Variants in TOX2 observed in about 807,000 individuals in gnomAD.
TOX2 encodes the protein TOX high mobility group box family member 2.
A neutral mutation model predicts 47.4 loss-of-function variants in TOX2; 15 were observed. The ratio of observed to expected loss-of-function variants is 0.32; its 90% confidence interval spans 0.21 to 0.49. The LOEUF (loss-of-function observed/expected upper bound fraction) is 0.49, where lower values mean the gene tolerates loss of function less well. Ranked by LOEUF, TOX2 falls within the 20% of genes least tolerant of loss-of-function variation. TOX2 has a pLI of 0.99. For synonymous variants in TOX2, 290 were observed against 296.6 expected (o/e 0.98, Z 0.23); for missense variants, 622 against 673.1 (o/e 0.92, Z 0.84).
At chr20:44,009,282 G>A (rs1472205178) in intron 3 of TOX2, among the ~76,000 whole-genome samples, 1 of 152,126 alleles carries the variant, frequency 6.6e-6, no homozygotes, top group Non-Finnish European at 1.5e-5. Context: ...ATTTTTATAA[G>A]GCACGTCACA....
At chr20:43,930,721 T>C (rs902792115) in intron 1 of TOX2, among the ~76,000 whole-genome samples, 1 of 152,196 alleles carries the variant, frequency 6.6e-6, no homozygotes, top group African/African-American at 2.4e-5. Flanking sequence ...GTGGCTTCTC[T>C]CCTGAAGTTA....
At chr20:44,020,193 G>A (rs1229171384) in intron 3 of TOX2, among the ~76,000 whole-genome samples, 2 of 152,218 alleles carry the variant, frequency 1.3e-5, no homozygotes, top group African/African-American at 2.4e-5. Flanking sequence ...GCACTGCAGC[G>A]TGGATTAGGC....
chr20:44,050,387 C>T (rs1382808872), intron 3 of TOX2, among the ~76,000 whole-genome samples: 2 of 151,992 alleles, frequency 1.3e-5, no homozygotes, highest in African/African-American at 4.8e-5. Context: ...GTTTGCTTTC[C>T]TAATGAAGAA....
At chr20:43,951,900 T>C (rs1256335537) in intron 1 of TOX2, among the ~76,000 whole-genome samples, 10 of 150,792 alleles carry the variant, frequency 6.6e-5, no homozygotes, top group African/African-American at 2.2e-4. Context: ...TGTTTGTTTG[T>C]TTGTTTGTTT....
chr20:44,006,837 G>A (rs757166206), intron 3 of TOX2, 45 bp downstream of exon 3: 9 of 1,587,674 alleles, frequency 5.7e-6, no homozygotes, highest in Non-Finnish European at 7.7e-6. Context: ...TGACAGCAGG[G>A]AGGGGGTTGA....
intron 2 of TOX2, among the ~76,000 whole-genome samples, chr20:44,005,738 C>A (rs2070668031): frequency 6.6e-6 from 1 of 152,182 alleles, no homozygotes; most frequent in African/African-American, 2.4e-5. Flanking sequence ...AAAAGCCATG[C>A]ATGATTTTAA....
At chr20:44,026,875 A>G (rs562084361) in intron 3 of TOX2, among the ~76,000 whole-genome samples, 121 of 150,640 alleles carry the variant, frequency 8.0e-4, no homozygotes, top group African/African-American at 2.8e-3. Context: ...AGCACCCACA[A>G]CTCTCCTGGG....
At chr20:43,991,007 C>T (rs914347372) in intron 2 of TOX2, among the ~76,000 whole-genome samples, 5 of 152,184 alleles carry the variant, frequency 3.3e-5, no homozygotes, top group African/African-American at 1.2e-4. Context: ...TTAAAATCAG[C>T]ACTGCCTTGT....
chr20:44,037,208 C>T (rs758689594), intron 3 of TOX2, among the ~76,000 whole-genome samples: 63 of 152,244 alleles, frequency 4.1e-4, no homozygotes, highest in Non-Finnish European at 8.2e-4. Context: ...CCCACCTTGG[C>T]CTCCCAAAGT....
chr20:43,932,913 C>T (rs1357533265), intron 1 of TOX2, among the ~76,000 whole-genome samples: 1 of 152,154 alleles, frequency 6.6e-6, no homozygotes, highest in Non-Finnish European at 1.5e-5. Context: ...AACACCTTCC[C>T]CGGGGTTGCT....
intron 1 of TOX2, among the ~76,000 whole-genome samples, chr20:43,972,964 C>T (rs1248300136): frequency 6.6e-6 from 1 of 152,190 alleles, no homozygotes; most frequent in Non-Finnish European, 1.5e-5. Flanking sequence ...TGTTCTTGGC[C>T]TCCCCCAGCA....
intron 3 of TOX2, among the ~76,000 whole-genome samples, chr20:44,023,530 T>A (rs865838120): frequency 2.0e-5 from 3 of 151,742 alleles, no homozygotes; most frequent in Middle Eastern, 3.2e-3. Context: ...TGCATCAGTT[T>A]TAAGAAAGAT....
chr20:43,939,100 C>A (rs1018283996), intron 1 of TOX2, among the ~76,000 whole-genome samples: 2 of 152,152 alleles, frequency 1.3e-5, no homozygotes, highest in African/African-American at 4.8e-5. Flanking sequence ...TCTCTTGGAG[C>A]CCCAGTGTCC....
At position 43,914,868 on chromosome 20, in the gene TOX2, G is replaced by T. The variant is rs2069037967; in HGVS notation, c.-24G>T. 2.1e-6 allele frequency: 2 copies of T among 971,458 alleles called. No individual in the cohort carries two copies. The highest frequency in any genetic ancestry group is 1.8e-5 in the African/African-American group (1 of 56,104). The allele number at this position is 971,458 out of a possible 1,614,324, so 60.2% of individuals were successfully genotyped here. A position where few individuals can be genotyped will look rare whatever the true frequency, so the allele number is the denominator to read the frequency against. On this transcript the variant is annotated 5_prime_UTR_variant, in exon 1 of 9. Coordinates refer to ENST00000341197, the MANE Select transcript of TOX2 (RefSeq NM_001098797.2). The surrounding 1 kb of genome is among the most constrained non-coding windows in gnomAD (Gnocchi z 4.5). ...CGCCCAGGCACTGCCCGCGGGAGCCGCCGCCGCCGCCGCCGCGCCCGCCAT... is the reference window on the plus strand; with the variant it reads ...CGCCCAGGCACTGCCCGCGGGAGCCTCCGCCGCCGCCGCCGCGCCCGCCAT...
At chr20:43,992,897 A>G (rs2070395384) in intron 2 of TOX2, among the ~76,000 whole-genome samples, 1 of 151,026 alleles carries the variant, frequency 6.6e-6, no homozygotes, top group African/African-American at 2.4e-5. Flanking sequence ...GATTTGGTCC[A>G]CGGCCTGTGA....
At chr20:43,965,066 T>G (rs2069826733) in intron 1 of TOX2, among the ~76,000 whole-genome samples, 1 of 152,220 alleles carries the variant, frequency 6.6e-6, no homozygotes, top group African/African-American at 2.4e-5. Flanking sequence ...TTCATTGGTA[T>G]ACTTCGCAAG....
At position 44,066,071 on chromosome 20, in the gene TOX2, G is replaced by A. The variant is rs1404083551; in HGVS notation, c.1320G>A (p.Val440=). The change falls in exon 7 of 9, where the codon GTG becomes GTA. Residue 440 remains valine, a synonymous_variant. Coordinates refer to ENST00000341197, the MANE Select transcript of TOX2 (RefSeq NM_001098797.2). ...PVLPTPMALQ[V]QLAMSPSPPG... ...TGCCCACCCCCATGGCACTCCAGGT[G>A]CAGCTGGCGATGAGCCCCTCACCTC... 8.9e-6 allele frequency: 14 copies of A among 1,570,530 alleles called. No individual in the cohort carries two copies. Among genetic ancestry groups the A allele is most frequent in the Non-Finnish European group, 1.2e-5 (14 of 1,158,644 alleles).
chr20:43,953,944 A>G (rs1048015483), intron 1 of TOX2, among the ~76,000 whole-genome samples: 8 of 152,160 alleles, frequency 5.3e-5, no homozygotes, highest in Non-Finnish European at 1.0e-4. Flanking sequence ...TTTCTCATGC[A>G]TCCATTTTAT....
intron 3 of TOX2, among the ~76,000 whole-genome samples, chr20:44,022,519 T>C (rs1013952787): frequency 3.3e-5 from 5 of 152,206 alleles, no homozygotes; most frequent in Admixed American, 2.6e-4. Flanking sequence ...CCCCAGGAAG[T>C]CCACCTTCCC....
Sources: gnomAD v4.1 joint callset for allele counts (sites outside exome capture counted in the v4.1 genomes callset) on GRCh38, gnomAD v4.1.1 for gene constraint, Gnocchi (gnomAD v3.1) non-coding constraint, MANE v1.5 for transcripts, NCBI Gene and HGNC (gene_info 2026-07-23, HGNC 2026-07-21) for gene names.